Variants in DTWD1 observed in about 807,000 individuals in gnomAD.
The protein encoded by DTWD1 is DTW motif tRNA-uridine aminocarboxypropyltransferase 1.
Under a neutral mutation model 30.2 loss-of-function variants are expected in DTWD1, and 27 were observed. The observed-to-expected ratio is 0.90, with a 90% CI of 0.66 to 1.23. The LOEUF (loss-of-function observed/expected upper bound fraction) is 1.23. DTWD1 is among the 50% of genes most tolerant of loss of function. The probability of loss-of-function intolerance (pLI) is 0.00; values close to 1 mark genes in which losing one functional copy is unlikely to be tolerated. For missense variants in DTWD1, 342 were observed against 348.8 expected, an observed-to-expected ratio of 0.98 and a Z score of 0.15; for synonymous variants, 99 against 113.1, an observed-to-expected ratio of 0.88 and a Z score of 0.79.
chr15:49,626,614 C>T (rs1021617843), intron 2 of DTWD1: 2 of 306,214 alleles, frequency 6.5e-6, no homozygotes, highest in Non-Finnish European at 1.4e-5. Flanking sequence ...CACATGGACT[C>T]ATTAGAACTT....
chr15:49,628,588 A>T (rs1016739241), intron 2 of DTWD1, among the ~76,000 whole-genome samples: 1 of 152,182 alleles, frequency 6.6e-6, no homozygotes, highest in Non-Finnish European at 1.5e-5. Context: ...TGATAATCCC[A>T]TGGGAAAATG....
chr15:49,638,064 A>C (rs2153353539), intron 4 of DTWD1, among the ~76,000 whole-genome samples: 1 of 152,324 alleles, frequency 6.6e-6, no homozygotes, highest in East Asian at 1.9e-4. Flanking sequence ...GAAAGAGAGA[A>C]AGGGAACACT....
rs903857913 is a variant in DTWD1, at chr15:49,630,877, G to A, written c.265-1282G>A. 6.9e-5 allele frequency: 17 copies of A among 246,424 alleles called. 1 individual carries two copies. The highest frequency in any genetic ancestry group is 2.8e-4 in the African/African-American group (12 of 43,256). The allele number at this position is 246,424 out of a possible 1,614,324, so 15.3% of individuals were successfully genotyped here. Reference sequence around the variant, plus strand: ...GAGCTCTGCCTCCTGTCAGATCAGCGGCAGCATTAGATTCTCATAGGAGCA... The same window carrying A: ...GAGCTCTGCCTCCTGTCAGATCAGCAGCAGCATTAGATTCTCATAGGAGCA... On this transcript the variant is annotated intron_variant, in intron 2 of 4. Transcript: ENST00000403028.
chr15:49,634,668 A>C lies in DTWD1; in HGVS notation c.541A>C (p.Thr181Pro). The C allele has an allele frequency of 1.9e-6, 3 of 1,613,864 alleles. No individual in the cohort carries two copies. Among genetic ancestry groups the C allele is most frequent in the Non-Finnish European group, 2.5e-6 (3 of 1,179,848 alleles). ...CAAGCCATCTTTTAAACGCAAAAGAACTGAAGAACAAGAGTTCTGTGATTT... is the reference window on the plus strand; with the variant it reads ...CAAGCCATCTTTTAAACGCAAAAGACCTGAAGAACAAGAGTTCTGTGATTT... The part of the protein sequence containing the change: ...PDKPSFKRKR[T>P]EEQEFCDLND... The change falls in exon 4 of 5, where the codon ACT becomes CCT. Residue 181 changes from threonine to proline, a missense_variant. Physicochemically the swap from Thr to Pro is conservative, Grantham distance 38. Transcript: ENST00000403028.
chr15:49,639,511 A>C (rs1487451396), intron 4 of DTWD1, among the ~76,000 whole-genome samples: 1 of 152,180 alleles, frequency 6.6e-6, no homozygotes, highest in Non-Finnish European at 1.5e-5. Flanking sequence ...GCGGTGAGCT[A>C]TGCTCATGCC....
rs2079103616 is a variant in DTWD1 at position 49,644,632 on chromosome 15, T to C, written c.*1054T>C. On this transcript the variant is annotated 3_prime_UTR_variant, in exon 5 of 5. Coordinates refer to ENST00000403028, the MANE Select transcript of DTWD1 (RefSeq NM_001144955.2). ...GATGTTATTTATTTCCCTGGCTCCT[T>C]TCCTGCCATGTCATCATCAGTTGGC... 1 of 152,208 alleles carries C rather than the reference T, an allele frequency of 6.6e-6. No individual in the cohort carries two copies. The highest frequency in any genetic ancestry group is 1.5e-5 in the Non-Finnish European group (1 of 68,058). 9.4% of individuals were successfully genotyped at this position (152,208 alleles called of 1,614,324 possible).
chr15:49,628,673 T>A (rs1401061761), intron 2 of DTWD1, among the ~76,000 whole-genome samples: 2 of 152,204 alleles, frequency 1.3e-5, no homozygotes, highest in East Asian at 3.8e-4. Context: ...TTATAAAACA[T>A]AAGTGTTCGA....
At position 49,645,291 on chromosome 15, in the gene DTWD1, A is replaced by T. The variant is rs1025331996; in HGVS notation, c.*1713A>T. 4 of 152,166 alleles carry T rather than the reference A, an allele frequency of 2.6e-5. No individual in the cohort carries two copies. The highest frequency in any genetic ancestry group is 9.6e-5 in the African/African-American group (4 of 41,452). The allele number at this position is 152,166 out of a possible 1,614,324, so 9.4% of individuals were successfully genotyped here. ...GAGGTAAGTAAATTATTGATAGATC[A>T]TACACCTAGTTAGTAGCAGAGCCTG... On this transcript the variant is annotated 3_prime_UTR_variant, in exon 5 of 5. Transcript: ENST00000403028.
At chr15:49,634,346 A>T (rs150234690) in intron 3 of DTWD1, among the ~76,000 whole-genome samples, 190 bp from the exon 4 acceptor site, 1 of 152,246 alleles carries the variant, frequency 6.6e-6, no homozygotes, top group East Asian at 1.9e-4. Context: ...TTATTATATT[A>T]TGATTATAAA....
Position 49,649,822 on chromosome 15 carries a change from A to T in DTWD1, c.*6244A>T, listed in dbSNP as rs1327908269. 1 of 152,188 alleles carries T rather than the reference A, an allele frequency of 6.6e-6. No individual in the cohort carries two copies. Among genetic ancestry groups the T allele is most frequent in the African/African-American group, 2.4e-5 (1 of 41,450 alleles). The allele number at this position is 152,188 out of a possible 1,614,324, so 9.4% of individuals were successfully genotyped here. A position where few individuals can be genotyped will look rare whatever the true frequency, so the allele number is the denominator to read the frequency against. On this transcript the variant is annotated 3_prime_UTR_variant, in exon 5 of 5. Coordinates refer to ENST00000403028, the MANE Select transcript of DTWD1 (RefSeq NM_001144955.2). ...CATTCATCCATTCTAAAAAATTTTG[A>T]GTGCATACTATGTGTCAAATTATTG...
In DTWD1 at chr15:49,651,267, T is replaced by C. The variant is rs1203255879; in HGVS notation, c.*7689T>C. 1.3e-5 allele frequency: 2 copies of C among 152,156 alleles called. No individual in the cohort carries two copies. Among genetic ancestry groups the C allele is most frequent in the Non-Finnish European group, 2.9e-5 (2 of 68,016 alleles). The allele number at this position is 152,156 out of a possible 1,614,324, so 9.4% of individuals were successfully genotyped here. A position where few individuals can be genotyped will look rare whatever the true frequency, so the allele number is the denominator to read the frequency against. ...AAAGTCTAGAATAGAGGCATGTGAA[T>C]GGACATACTTGTGTCAAGTATGTAC... is the stretch of plus-strand genomic sequence containing the variant. On this transcript the variant is annotated 3_prime_UTR_variant, in exon 5 of 5. Coordinates refer to ENST00000403028, the MANE Select transcript of DTWD1 (RefSeq NM_001144955.2).
intron 2 of DTWD1, 120 bp from the exon 3 acceptor site, chr15:49,632,039 C>A: frequency 1.1e-6 from 1 of 922,252 alleles, no homozygotes; most frequent in Non-Finnish European, 1.7e-6. Context: ...ATCTTTTAAA[C>A]CATATGCATA....
chr15:49,627,827 TGTGAAG>T (rs1305861114), intron 2 of DTWD1, among the ~76,000 whole-genome samples: 1 of 152,192 alleles, frequency 6.6e-6, no homozygotes, highest in African/African-American at 2.4e-5. Flanking sequence ...TGTGAGTGAA[TGTGAAG>T]GCCTGTGATG....
At position 49,647,808 on chromosome 15, in the gene DTWD1, A is replaced by G. The variant is rs2079129612; in HGVS notation, c.*4230A>G. The G allele has an allele frequency of 6.6e-6, 1 of 152,150 alleles. No homozygotes were observed. The highest frequency in any genetic ancestry group is 2.4e-5 in the African/African-American group (1 of 41,446). 9.4% of individuals were successfully genotyped at this position (152,150 alleles called of 1,614,324 possible). ...ACAAACGGAGAATAATGGCAACAAA[A>G]AAAAAACTGTCTTCAAAATAAGAGT... is the stretch of plus-strand genomic sequence containing the variant. On this transcript the variant is annotated 3_prime_UTR_variant, in exon 5 of 5. Transcript: ENST00000403028.
At chr15:49,640,466 AGTT>A (rs2079053152) in intron 4 of DTWD1, among the ~76,000 whole-genome samples, 1 of 152,096 alleles carries the variant, frequency 6.6e-6, no homozygotes, top group Non-Finnish European at 1.5e-5. Flanking sequence ...CACATTGCTG[AGTT>A]GTTGAGTATG....
intron 1 of DTWD1, among the ~76,000 whole-genome samples, chr15:49,623,011 G>C (rs2078789067): frequency 6.6e-6 from 1 of 152,224 alleles, no homozygotes; most frequent in South Asian, 2.1e-4. Flanking sequence ...TCTCTAGGAG[G>C]AATGCACTTT....
rs1367423695 is a variant in DTWD1 at position 49,654,880 on chromosome 15, A to G, written c.*11302A>G. On this transcript the variant is annotated 3_prime_UTR_variant, in exon 5 of 5. Transcript: ENST00000403028. ...TGAAAATATGGAAATCCAAGATCAG[A>G]GTTTCAGCATGGTTAGGTGTTTAGT... 6.6e-6 allele frequency: 1 copy of G among 152,046 alleles called. No homozygotes were observed. Among genetic ancestry groups the G allele is most frequent in the Non-Finnish European group, 1.5e-5 (1 of 67,976 alleles). The allele number at this position is 152,046 out of a possible 1,614,324, so 9.4% of individuals were successfully genotyped here. A position where few individuals can be genotyped will look rare whatever the true frequency, so the allele number is the denominator to read the frequency against.
intron 3 of DTWD1, among the ~76,000 whole-genome samples, chr15:49,632,518 A>G (rs986046857): frequency 2.6e-5 from 4 of 152,220 alleles, no homozygotes; most frequent in Non-Finnish European, 5.9e-5. Flanking sequence ...TCTGCATTTT[A>G]TAGCTCTTCT....
At chr15:49,641,780 TGTCTTTG>T (rs756687849) in intron 4 of DTWD1, among the ~76,000 whole-genome samples, 3 of 152,272 alleles carry the variant, frequency 2.0e-5, no homozygotes, top group East Asian at 1.9e-4. Context: ...TTCAATATTC[TGTCTTTG>T]GTCTTTGGTC....
Sources: allele counts gnomAD v4.1 joint callset (sites outside exome capture counted in the v4.1 genomes callset), GRCh38; gene constraint gnomAD v4.1.1; transcripts MANE v1.5; gene names NCBI Gene and HGNC (gene_info 2026-07-23, HGNC 2026-07-21).